NAALADL2: variants seen among roughly 807,000 people sequenced by gnomAD.
NAALADL2 encodes inactive N-acetylated-alpha-linked acidic dipeptidase-like protein 2.
NAALADL2 carries 76 observed loss-of-function variants against 87.2 expected under a neutral mutation model. That is an observed-to-expected ratio of 0.87 (90% CI 0.72 to 1.05). NAALADL2 has a LOEUF of 1.05. Ranked by LOEUF, NAALADL2 falls within the 50% of genes least tolerant of loss-of-function variation. The pLI, the probability that NAALADL2 is intolerant of heterozygous loss-of-function variation, is 0.00. For synonymous variants in NAALADL2, 354 were observed against 331.0 expected (o/e 1.07, Z -0.75); for missense variants, 1,089 against 945.8 (o/e 1.15, Z -1.99).
intron 1 of NAALADL2, among the ~76,000 whole-genome samples, chr3:174,883,698 C>G (rs919852459): frequency 1.3e-5 from 2 of 152,168 alleles, no homozygotes; most frequent in Non-Finnish European, 2.9e-5. Flanking sequence ...GTATTGATGA[C>G]TACATTCTTC....
chr3:175,519,150 T>A (rs940323019), intron 9 of NAALADL2, among the ~76,000 whole-genome samples: 3 of 152,226 alleles, frequency 2.0e-5, no homozygotes, highest in Non-Finnish European at 4.4e-5. Flanking sequence ...GGGGCTCTTA[T>A]AACCTACAGA....
chr3:175,315,839 A>G (rs1167898789), intron 4 of NAALADL2, among the ~76,000 whole-genome samples: 7 of 152,196 alleles, frequency 4.6e-5, no homozygotes, highest in Admixed American at 2.0e-4. Context: ...ATATATTCCC[A>G]TAAACCACAT....
At chr3:175,181,703 A>ATATATATATATATATATG (rs1227887005) in intron 2 of NAALADL2, among the ~76,000 whole-genome samples, 1 of 106,844 alleles carries the variant, frequency 9.4e-6, no homozygotes, top group African/African-American at 3.9e-5. Flanking sequence ...ATATATATAT[A>ATATATATATATATATATG]TGTGTGTGTG....
chr3:174,784,669 A>C (rs1209815921), intron 3 of NAALADL2, among the ~76,000 whole-genome samples: 1 of 152,230 alleles, frequency 6.6e-6, no homozygotes, highest in Non-Finnish European at 1.5e-5. Flanking sequence ...AAGGTCTAAT[A>C]GTAGAGAATC....
chr3:174,455,810 A>G (rs13083594), intron 1 of NAALADL2, among the ~76,000 whole-genome samples: 45,331 of 151,988 alleles, frequency 0.3, 7,232 homozygotes, highest in South Asian at 0.46. Context: ...GAAAACCAAG[A>G]CAAGACAAGG....
intron 1 of NAALADL2, among the ~76,000 whole-genome samples, chr3:175,007,909 C>T (rs1037860258): frequency 2.6e-5 from 4 of 152,000 alleles, no homozygotes; most frequent in South Asian, 2.1e-4. Flanking sequence ...ACTCAAGCAC[C>T]GCACCACAGC....
chr3:175,137,227 T>G (rs1729240516), intron 2 of NAALADL2, among the ~76,000 whole-genome samples: 1 of 152,200 alleles, frequency 6.6e-6, no homozygotes, highest in Non-Finnish European at 1.5e-5. Flanking sequence ...TTCATTAGTT[T>G]TACCATAATT....
At chr3:175,731,778 TAAAAAAC>T (rs1316486360) in intron 11 of NAALADL2, among the ~76,000 whole-genome samples, 1 of 152,162 alleles carries the variant, frequency 6.6e-6, no homozygotes, top group African/African-American at 2.4e-5. Flanking sequence ...AAGCCACTCT[TAAAAAAC>T]AAACAAAACA....
At position 175,729,309 on chromosome 3, in the gene NAALADL2, G is replaced by A. The variant is rs377499936; in HGVS notation, c.1897-7997G>A. 1.2e-4 allele frequency among the ~76,000 whole-genome samples: 18 copies of A among 152,174 alleles called. No homozygotes were observed. The South Asian group carries it at 3.3e-3, about 28-fold the overall frequency. ...ATAAAGGATCAATAGCTACTAGTTA[G>A]GACGGTTCATGATTCATCTACTATT... On this transcript the variant is annotated intron_variant, in intron 11 of 13. Coordinates refer to ENST00000454872, the MANE Select transcript of NAALADL2 (RefSeq NM_207015.3).
At chr3:174,737,322 T>C (rs1394588759) in intron 2 of NAALADL2, among the ~76,000 whole-genome samples, 1 of 152,240 alleles carries the variant, frequency 6.6e-6, no homozygotes, top group African/African-American at 2.4e-5. Flanking sequence ...TTGTTATGTT[T>C]AGCAGTGTGT....
At chr3:175,506,369 G>A (rs984771818) in intron 9 of NAALADL2, among the ~76,000 whole-genome samples, 3 of 152,096 alleles carry the variant, frequency 2.0e-5, no homozygotes, top group African/African-American at 7.2e-5. Flanking sequence ...AAACCTGAAG[G>A]TTCATGCAAT....
At chr3:175,095,783 T>G (rs1287975866) in intron 1 of NAALADL2, among the ~76,000 whole-genome samples, 2 of 152,080 alleles carry the variant, frequency 1.3e-5, no homozygotes, top group Non-Finnish European at 2.9e-5. Context: ...AGAAAAATCA[T>G]AAAACATAGT....
intron 9 of NAALADL2, among the ~76,000 whole-genome samples, chr3:175,487,246 G>T (rs1727411330): frequency 6.6e-6 from 1 of 152,050 alleles, no homozygotes; most frequent in South Asian, 2.1e-4. Flanking sequence ...CTGCACCCAA[G>T]CACTACCAAA....
intron 11 of NAALADL2, among the ~76,000 whole-genome samples, chr3:175,635,892 C>T (rs1728459237): frequency 6.6e-6 from 1 of 151,956 alleles, no homozygotes; most frequent in African/African-American, 2.4e-5. Context: ...TGTGTTTAAA[C>T]AAACTTTCTG....
chr3:174,615,073 A>C (rs1294462436), intron 2 of NAALADL2, among the ~76,000 whole-genome samples: 1 of 152,202 alleles, frequency 6.6e-6, no homozygotes, highest in African/African-American at 2.4e-5. Flanking sequence ...GCCATTTTCT[A>C]GGTGAGGTTT....
chr3:175,423,051 A>ATATT (rs1458599872), intron 5 of NAALADL2, among the ~76,000 whole-genome samples: 21 of 91,506 alleles, frequency 2.3e-4, no homozygotes, highest in African/African-American at 5.9e-4. Context: ...ATATATATAT[A>ATATT]TTTTTTTTTT....
Position 175,096,801 on chromosome 3 carries a change from G to A in NAALADL2, c.55G>A (p.Ala19Thr). The change falls in exon 2 of 14, where the codon GCC (alanine) becomes ACC (threonine). Residue 19 changes from alanine to threonine, a missense_variant. Physicochemically the swap from Ala to Thr is moderately conservative, Grantham distance 58 (BLOSUM62 0). Transcript: ENST00000454872. ...PNTSLQGKKM[A>T]YQKVHADQRA... Reference sequence around the variant, plus strand: ...TCTTATTTTCACAGGTAAAAAGATGGCCTATCAGAAGGTCCATGCAGATCA... The same window carrying A: ...TCTTATTTTCACAGGTAAAAAGATGACCTATCAGAAGGTCCATGCAGATCA... 1 of 1,503,780 alleles carries A rather than the reference G, an allele frequency of 6.6e-7. No homozygotes were observed. The highest frequency in any genetic ancestry group is 1.4e-5 in the South Asian group (1 of 73,004). 93.2% of individuals were successfully genotyped at this position (1,503,780 alleles called of 1,614,324 possible).
intron 3 of NAALADL2, among the ~76,000 whole-genome samples, chr3:174,802,438 C>A (rs527568933): frequency 6.6e-6 from 1 of 152,028 alleles, no homozygotes; most frequent in South Asian, 2.1e-4. Flanking sequence ...TCTTAAGTGG[C>A]CTATAAAATA....
At chr3:175,232,669 C>T (rs1745159874) in intron 2 of NAALADL2, among the ~76,000 whole-genome samples, 2 of 152,138 alleles carry the variant, frequency 1.3e-5, no homozygotes, top group African/African-American at 4.8e-5. Flanking sequence ...CATATGCAGC[C>T]CACGGGCCAT....
Sources: gnomAD v4.1 joint callset for allele counts (sites outside exome capture counted in the v4.1 genomes callset) on GRCh38, gnomAD v4.1.1 for gene constraint, MANE v1.5 for transcripts, NCBI Gene and HGNC (gene_info 2026-07-23, HGNC 2026-07-21) for gene names.